The following SLC14A2 variants were observed in gnomAD, a reference collection of about 807,000 sequenced individuals.
SLC14A2 encodes the protein solute carrier family 14 member 2.
SLC14A2 carries 91 observed loss-of-function variants against 104.6 expected under a neutral mutation model. That is an observed-to-expected ratio of 0.87 (90% CI 0.73 to 1.04). SLC14A2 has a LOEUF of 1.04. SLC14A2 is among the 50% of genes least tolerant of loss of function. The pLI is 0.00. For missense variants in SLC14A2, 1,189 were observed against 1,156.0 expected, an observed-to-expected ratio of 1.03 and a Z score of -0.41; for synonymous variants, 476 against 466.4, an observed-to-expected ratio of 1.02 and a Z score of -0.27.
rs374745305 is a variant in SLC14A2, at chr18:45,568,226, G to A, written c.-34-56405G>A. ...CCCAGCAGGCTTGTGCCTTGCCCCC[G>A]CCTCACCTCACCCACCTAATGAGCT... On this transcript the variant is annotated intron_variant, in intron 2 of 20. Coordinates refer to the SLC14A2 transcript ENST00000586448. Among the ~76,000 whole-genome samples, 13 of 152,268 alleles carry A rather than the reference G, an allele frequency of 8.5e-5. No homozygotes were observed. The East Asian group carries it at 2.1e-3, about 25-fold the overall frequency.
At chr18:45,217,845 G>C (rs2084024645) in intron 1 of SLC14A2, among the ~76,000 whole-genome samples, 1 of 152,114 alleles carries the variant, frequency 6.6e-6, no homozygotes, top group Non-Finnish European at 1.5e-5. Flanking sequence ...CAAAGCTGCT[G>C]TGTTGCTTTA....
chr18:45,569,234 G>GA (rs1456436888), intron 2 of SLC14A2, among the ~76,000 whole-genome samples: 1 of 152,110 alleles, frequency 6.6e-6, no homozygotes, highest in African/African-American at 2.4e-5. Context: ...CCTCCAGTCT[G>GA]AAAAAATCTG....
At chr18:45,473,663 G>T (rs755822542) in intron 1 of SLC14A2, among the ~76,000 whole-genome samples, 1 of 152,140 alleles carries the variant, frequency 6.6e-6, no homozygotes, top group Non-Finnish European at 1.5e-5. Flanking sequence ...GTTCACTCAT[G>T]ATTTGGCTCT....
chr18:45,343,993 G>A (rs1599691683), intron 1 of SLC14A2, among the ~76,000 whole-genome samples: 1 of 152,162 alleles, frequency 6.6e-6, no homozygotes, highest in East Asian at 1.9e-4. Flanking sequence ...TCCCAAGAAA[G>A]CAACATTTGT....
At chr18:45,404,099 C>G (rs764082287) in intron 1 of SLC14A2, among the ~76,000 whole-genome samples, 1 of 152,170 alleles carries the variant, frequency 6.6e-6, no homozygotes, top group African/African-American at 2.4e-5. Context: ...ACTCTATTAC[C>G]TCTTCCCAAT....
chr18:45,526,161 T>C (rs541106335), intron 2 of SLC14A2, among the ~76,000 whole-genome samples: 5 of 152,336 alleles, frequency 3.3e-5, no homozygotes, highest in South Asian at 2.1e-4. Context: ...GGAAAGTCTT[T>C]AGTGCAGCGT....
At chr18:45,663,958 A>C in intron 11 of SLC14A2, 51 bp downstream of exon 11, 1 of 1,544,544 alleles carries the variant, frequency 6.5e-7, no homozygotes, top group Non-Finnish European at 8.8e-7. Context: ...CTAGTCTCTA[A>C]TAAAACAGGG....
At chr18:45,234,924 A>T (rs905382339) in intron 1 of SLC14A2, among the ~76,000 whole-genome samples, 1 of 152,228 alleles carries the variant, frequency 6.6e-6, no homozygotes, top group African/African-American at 2.4e-5. Flanking sequence ...CAGATGAAGC[A>T]GGTGTTAGTA....
chr18:45,396,618 T>TG (rs1457687529), intron 1 of SLC14A2, among the ~76,000 whole-genome samples: 1 of 142,942 alleles, frequency 7.0e-6, no homozygotes, highest in Non-Finnish European at 1.5e-5. Flanking sequence ...GTCAACCTGG[T>TG]TTTTTTTTGT....
intron 2 of SLC14A2, among the ~76,000 whole-genome samples, chr18:45,560,620 T>C (rs899390418): frequency 6.6e-6 from 1 of 152,086 alleles, no homozygotes; most frequent in Non-Finnish European, 1.5e-5. Flanking sequence ...TATGGAGGAA[T>C]GAAAAGTGAT....
intron 10 of SLC14A2, among the ~76,000 whole-genome samples, chr18:45,651,025 C>A (rs1350103358): frequency 1.3e-5 from 2 of 152,040 alleles, no homozygotes; most frequent in Non-Finnish European, 2.9e-5. Context: ...TTAAGGGTTC[C>A]AGGAAGATTT....
intron 2 of SLC14A2, among the ~76,000 whole-genome samples, chr18:45,534,698 G>A (rs2043753760): frequency 6.6e-6 from 1 of 152,118 alleles, no homozygotes. Flanking sequence ...TGGGACATAG[G>A]CAAAGGGTTG....
chr18:45,623,439 G>A (rs2045208424), intron 1 of SLC14A2, among the ~76,000 whole-genome samples: 2 of 152,204 alleles, frequency 1.3e-5, no homozygotes, highest in African/African-American at 4.8e-5. Flanking sequence ...AGTGACCAGA[G>A]AGTCAGTAAC....
chr18:45,496,045 A>G (rs1458629761), intron 2 of SLC14A2, among the ~76,000 whole-genome samples: 1 of 152,200 alleles, frequency 6.6e-6, no homozygotes, highest in Non-Finnish European at 1.5e-5. Flanking sequence ...TATTAATGTG[A>G]TAATCTGTTT....
upstream of SLC14A2, among the ~76,000 whole-genome samples, chr18:45,613,410 T>C (rs929342692): frequency 1.2e-4 from 19 of 152,292 alleles, no homozygotes; most frequent in East Asian, 3.7e-3. Flanking sequence ...CTTGAAAATG[T>C]GGAAGCAAGT....
At chr18:45,467,307 G>C (rs1038481452) in intron 1 of SLC14A2, among the ~76,000 whole-genome samples, 1 of 152,188 alleles carries the variant, frequency 6.6e-6, no homozygotes, top group Non-Finnish European at 1.5e-5. Flanking sequence ...TGGAGTTCTA[G>C]TATCACCCAT....
chr18:45,286,107 A>T (rs2084812269), intron 1 of SLC14A2, among the ~76,000 whole-genome samples: 1 of 152,112 alleles, frequency 6.6e-6, no homozygotes, highest in South Asian at 2.1e-4. Context: ...CTGAGTGAAA[A>T]ATCTTCATTT....
chr18:45,168,300 A>G, the SLC14A2 span, among the ~76,000 whole-genome samples: 1 of 152,206 alleles, frequency 6.6e-6, no homozygotes, highest in Non-Finnish European at 1.5e-5. Flanking sequence ...GGGAAAGAAA[A>G]CAATATGATT....
intron 1 of SLC14A2, among the ~76,000 whole-genome samples, chr18:45,420,245 A>G (rs937630982): frequency 6.6e-6 from 1 of 152,214 alleles, no homozygotes; most frequent in African/African-American, 2.4e-5. Context: ...GCCTCAAAAC[A>G]TGGTGGCTGG....
Sources: gnomAD v4.1 joint callset for allele counts (sites outside exome capture counted in the v4.1 genomes callset) on GRCh38, gnomAD v4.1.1 for gene constraint, MANE v1.5 for transcripts, NCBI Gene and HGNC (gene_info 2026-07-23, HGNC 2026-07-21) for gene names.